The following NEGR1 variants were observed in gnomAD, a reference collection of about 807,000 sequenced individuals.
The protein encoded by NEGR1 is IgLON family member 4.
Under a neutral mutation model 40.9 loss-of-function variants are expected in NEGR1, and 10 were observed. The observed-to-expected ratio is 0.24, with a 90% CI of 0.15 to 0.42. The LOEUF (loss-of-function observed/expected upper bound fraction) is 0.42. Ranked by LOEUF, NEGR1 falls within the 10% of genes least tolerant of loss-of-function variation. The probability of loss-of-function intolerance (pLI) is 1.00; values close to 1 mark genes in which losing one functional copy is unlikely to be tolerated. For synonymous variants in NEGR1, 185 were observed against 166.8 expected (o/e 1.11, Z -0.84); for missense variants, 352 against 438.9 (o/e 0.80, Z 1.77).
intron 1 of NEGR1, among the ~76,000 whole-genome samples, chr1:72,104,627 T>C (rs1649064907): frequency 6.6e-6 from 1 of 152,166 alleles, no homozygotes. Flanking sequence ...AGTAATATGC[T>C]ACACAACAGC....
At chr1:72,256,470 C>T (rs1015607928) in intron 1 of NEGR1, among the ~76,000 whole-genome samples, 5 of 152,080 alleles carry the variant, frequency 3.3e-5, no homozygotes, top group African/African-American at 9.7e-5. Flanking sequence ...TCAAGTTTAT[C>T]TAGTTTAAAT....
At chr1:71,559,019 G>GTGTGTGTGTATATA (rs377263417) in intron 6 of NEGR1, among the ~76,000 whole-genome samples, 9 of 114,046 alleles carry the variant, frequency 7.9e-5, no homozygotes, top group African/African-American at 2.7e-4. Context: ...CTGTGTGTGT[G>GTGTGTGTGTATATA]TATATATATA....
At chr1:71,859,149 T>A (rs1034814893) in intron 2 of NEGR1, among the ~76,000 whole-genome samples, 1 of 152,062 alleles carries the variant, frequency 6.6e-6, no homozygotes, top group Non-Finnish European at 1.5e-5. Context: ...CCTGTATGAC[T>A]TCTTGATACC....
At chr1:72,141,404 C>A (rs1040253429) in intron 1 of NEGR1, among the ~76,000 whole-genome samples, 4 of 151,898 alleles carry the variant, frequency 2.6e-5, no homozygotes, top group Non-Finnish European at 5.9e-5. Context: ...ATAAAAAATA[C>A]CAAAATCATA....
chr1:72,047,382 T>G (rs1437455076), intron 1 of NEGR1, among the ~76,000 whole-genome samples: 3 of 151,596 alleles, frequency 2.0e-5, no homozygotes, highest in Non-Finnish European at 4.4e-5. Flanking sequence ...TCAATTTTAA[T>G]GAGTAACTAT....
chr1:71,928,734 C>T (rs763774070), intron 2 of NEGR1, among the ~76,000 whole-genome samples: 1 of 151,726 alleles, frequency 6.6e-6, no homozygotes, highest in Non-Finnish European at 1.5e-5. Flanking sequence ...AAATGCAATG[C>T]AATGTTCTTA....
chr1:72,048,764 T>C (rs1219124349), intron 1 of NEGR1, among the ~76,000 whole-genome samples: 1 of 151,674 alleles, frequency 6.6e-6, no homozygotes, highest in Non-Finnish European at 1.5e-5. Context: ...AGGATCTTAG[T>C]TCTTTTCTGC....
chr1:71,691,397 G>T (rs1653274975), intron 4 of NEGR1, among the ~76,000 whole-genome samples: 1 of 151,352 alleles, frequency 6.6e-6, no homozygotes, highest in Admixed American at 6.6e-5. Context: ...TATTTTTTGG[G>T]TGATTATTGA....
intron 6 of NEGR1, among the ~76,000 whole-genome samples, chr1:71,410,150 C>T (rs76534520): frequency 0.072 from 10,938 of 152,078 alleles, 575 homozygotes; most frequent in Middle Eastern, 0.15. Context: ...AATTTATATA[C>T]TTTTTTGTTG....
chr1:71,566,088 C>T (rs569552059), intron 6 of NEGR1, among the ~76,000 whole-genome samples: 142 of 152,086 alleles, frequency 9.3e-4, no homozygotes, highest in Non-Finnish European at 1.7e-3. Context: ...CTGAGAGCCT[C>T]CCGAAGGAAA....
At chr1:71,969,073 G>A (rs1646235112) in intron 1 of NEGR1, among the ~76,000 whole-genome samples, 1 of 151,694 alleles carries the variant, frequency 6.6e-6, no homozygotes, top group Non-Finnish European at 1.5e-5. Context: ...GGAGTGCAAT[G>A]GTGCGATCTT....
intron 2 of NEGR1, among the ~76,000 whole-genome samples, chr1:71,844,540 T>G (rs1051435493): frequency 2.0e-5 from 3 of 152,164 alleles, no homozygotes; most frequent in Non-Finnish European, 2.9e-5. Context: ...AGAGAGGAAG[T>G]ATTTGTAGGA....
intron 2 of NEGR1, among the ~76,000 whole-genome samples, chr1:71,816,693 A>C (rs1164404821): frequency 6.6e-6 from 1 of 151,998 alleles, no homozygotes; most frequent in East Asian, 1.9e-4. Context: ...AAACCATATC[A>C]CTTTGTTTCA....
chr1:72,200,636 C>A (rs1053130279), intron 1 of NEGR1, among the ~76,000 whole-genome samples: 12 of 151,722 alleles, frequency 7.9e-5, no homozygotes, highest in Non-Finnish European at 1.6e-4. Context: ...TACCCCCAAA[C>A]CTAAAGTAAA....
At chr1:71,852,326 G>A (rs896807097) in intron 2 of NEGR1, among the ~76,000 whole-genome samples, 2 of 152,108 alleles carry the variant, frequency 1.3e-5, no homozygotes, top group Non-Finnish European at 2.9e-5. Flanking sequence ...TCAGAACTGT[G>A]TGAGAACAGC....
At chr1:71,535,071 C>T (rs987485048) in intron 6 of NEGR1, among the ~76,000 whole-genome samples, 5 of 151,276 alleles carry the variant, frequency 3.3e-5, no homozygotes, top group African/African-American at 9.7e-5. Context: ...TATAATACAT[C>T]GTAATTTATA....
At chr1:71,644,584 T>C (rs1259287058) in intron 4 of NEGR1, among the ~76,000 whole-genome samples, 2 of 151,998 alleles carry the variant, frequency 1.3e-5, no homozygotes, top group East Asian at 3.9e-4. Flanking sequence ...ATATGATAAG[T>C]ACTCAATACA....
chr1:71,594,629 G>T (rs1462892629), intron 5 of NEGR1, among the ~76,000 whole-genome samples: 1 of 152,092 alleles, frequency 6.6e-6, no homozygotes, highest in African/African-American at 2.4e-5. Flanking sequence ...TAAGATAATG[G>T]GGCATAAAAT....
chr1:72,040,896 C>T (rs190085375), intron 1 of NEGR1, among the ~76,000 whole-genome samples: 1 of 152,020 alleles, frequency 6.6e-6, no homozygotes, highest in Admixed American at 6.6e-5. Context: ...ATTCCTCTGT[C>T]CACCAAAAAC....
Sources: gnomAD v4.1 joint callset for allele counts (sites outside exome capture counted in the v4.1 genomes callset) on GRCh38, gnomAD v4.1.1 for gene constraint, MANE v1.5 for transcripts, NCBI Gene and HGNC (gene_info 2026-07-23, HGNC 2026-07-21) for gene names.